EDARADD: variants seen among roughly 807,000 people sequenced by gnomAD.
EDARADD encodes EDAR associated via death domain.
Under a neutral mutation model 25.6 loss-of-function variants are expected in EDARADD, and 20 were observed. The observed-to-expected ratio is 0.78, with a 90% CI of 0.55 to 1.14. The LOEUF is 1.14. Among genes scored for constraint, EDARADD ranks in the 50% most tolerant of loss-of-function variants. The pLI is 0.00. For missense variants in EDARADD, 225 were observed against 270.1 expected (o/e 0.83, Z 1.17); for synonymous variants, 86 against 94.4 (o/e 0.91, Z 0.52).
chr1:236,437,735 G>A (rs1182312347), intron 4 of EDARADD, among the ~76,000 whole-genome samples: 1 of 143,202 alleles, frequency 7.0e-6, no homozygotes, highest in Non-Finnish European at 1.5e-5. Context: ...CGGCAGGGTT[G>A]GTTCCTTCTT....
chr1:236,416,592 G>A (rs1043644863), intron 3 of EDARADD, among the ~76,000 whole-genome samples: 1 of 152,060 alleles, frequency 6.6e-6, no homozygotes, highest in African/African-American at 2.4e-5. Flanking sequence ...CCATACCCTA[G>A]GTCTTCCCTT....
chr1:236,460,312 A>G (rs4659453), intron 4 of EDARADD, among the ~76,000 whole-genome samples: 21,320 of 151,050 alleles, frequency 0.14, 1,542 homozygotes, highest in Non-Finnish European at 0.14. Flanking sequence ...AGCCTCCCAC[A>G]TAGCTAGGAC....
At chr1:236,431,397 A>G (rs1233018344) in intron 4 of EDARADD, among the ~76,000 whole-genome samples, 1 of 152,200 alleles carries the variant, frequency 6.6e-6, no homozygotes, top group Non-Finnish European at 1.5e-5. Flanking sequence ...GTCTGGCAAC[A>G]TAGCAAGACC....
intron 3 of EDARADD, among the ~76,000 whole-genome samples, chr1:236,387,395 C>T (rs1349999968): frequency 2.1e-4 from 9 of 42,118 alleles, no homozygotes; most frequent in South Asian, 1.6e-3. Context: ...CCCCCCTGCC[C>T]GGCCAGCCGC....
At chr1:236,428,615 T>C (rs982347896) in intron 4 of EDARADD, among the ~76,000 whole-genome samples, 51 of 145,984 alleles carry the variant, frequency 3.5e-4, no homozygotes, top group Admixed American at 1.6e-3. Flanking sequence ...ATCCCAGACA[T>C]GGGCGGCCGG....
chr1:236,384,793 G>T (rs1381090968), intron 3 of EDARADD, among the ~76,000 whole-genome samples: 2 of 152,004 alleles, frequency 1.3e-5, no homozygotes, highest in Non-Finnish European at 2.9e-5. Flanking sequence ...ACCTTCCAAA[G>T]CTCCTGGCCC....
intron 5 of EDARADD, among the ~76,000 whole-genome samples, chr1:236,469,130 A>G (rs968443524): frequency 2.0e-5 from 3 of 152,084 alleles, no homozygotes; most frequent in African/African-American, 7.2e-5. Context: ...CAATGTTTAA[A>G]TTTCTCATTA....
intron 4 of EDARADD, among the ~76,000 whole-genome samples, chr1:236,440,297 A>C (rs1490773293): frequency 6.6e-6 from 1 of 152,156 alleles, no homozygotes; most frequent in Admixed American, 6.6e-5. Flanking sequence ...AAAGTTGGGT[A>C]GTATCAGTCT....
rs1659753410 is a variant in EDARADD, at chr1:236,483,804, G to A, written c.*1155G>A. 2.1e-6 allele frequency: 3 copies of A among 1,440,046 alleles called. No homozygotes were observed. 89.2% of individuals were successfully genotyped at this position (1,440,046 alleles called of 1,614,324 possible). ...CGGTGTGGGGGATGGAGGCGCGTTT[G>A]CTCCCAACATCCTGGAGAATAAAGA... On this transcript the variant is annotated 3_prime_UTR_variant, in exon 6 of 6. Transcript: ENST00000334232.
In EDARADD at chr1:236,363,648, C is replaced by A. The variant is rs187956018; in HGVS notation, c.-6+12809C>A. 2.0e-5 allele frequency among the ~76,000 whole-genome samples: 3 copies of A among 152,214 alleles called. No homozygotes were observed. In the East Asian group the frequency reaches 5.8e-4, roughly 30 times the overall value. On this transcript the variant is annotated intron_variant, in intron 3 of 7. Coordinates refer to the EDARADD transcript ENST00000439430. ...GGCTCAAGCGATTTTCCTACCTCAG[C>A]TTCCCAAAGTACTGGGATTACAGGC...
At chr1:236,369,648 C>A (rs1667153758) in intron 3 of EDARADD, among the ~76,000 whole-genome samples, 1 of 151,992 alleles carries the variant, frequency 6.6e-6, no homozygotes, top group Admixed American at 6.6e-5. Flanking sequence ...TCGAGACCAG[C>A]CTCAACATGG....
Position 236,395,652 on chromosome 1 carries a change from TGC to T in EDARADD, c.61+1152_61+1153del. ...GCCATGGCTTCACCGGACGACCCTC[TGC>T]GCGCAGGTAAAGGGACACAGCGCCG... is the stretch of plus-strand genomic sequence containing the variant. On this transcript the variant is annotated intron_variant, in intron 1 of 5. Transcript: ENST00000334232. The surrounding 1 kb of genome is among the most constrained non-coding windows in gnomAD (Gnocchi z 6.9). 6.3e-7 allele frequency: 1 copy of T among 1,575,910 alleles called. No homozygotes were observed.
chr1:236,391,134 G>C (rs1337157740), upstream of EDARADD, among the ~76,000 whole-genome samples: 3 of 151,700 alleles, frequency 2.0e-5, no homozygotes, highest in African/African-American at 4.8e-5. Context: ...TTTAAGACCG[G>C]TCCCCCTGTC....
intron 3 of EDARADD, among the ~76,000 whole-genome samples, chr1:236,359,097 G>C (rs573591974): frequency 1.3e-5 from 2 of 152,086 alleles, no homozygotes; most frequent in Admixed American, 1.3e-4. Context: ...TTGTAAAAGA[G>C]GTAAACTTGA....
chr1:236,484,599 C>T lies in EDARADD; in HGVS notation c.*1950C>T, dbSNP rs547079176. ...CTGCTAGTTAGCTACCCTTGCCCAC[C>T]GCCGTGGAGTTCGCACCTCTTCCTT... On this transcript the variant is annotated 3_prime_UTR_variant, in exon 6 of 6. Transcript: ENST00000334232. The surrounding 1 kb of genome is among the most constrained non-coding windows in gnomAD (Gnocchi z 4.1). The T allele has an allele frequency of 4.4e-5, 30 of 681,532 alleles. No individual in the cohort carries two copies. The highest frequency in any genetic ancestry group is 8.5e-4 in the Middle Eastern group (2 of 2,348). The allele number at this position is 681,532 out of a possible 1,614,324, so 42.2% of individuals were successfully genotyped here.
intron 5 of EDARADD, among the ~76,000 whole-genome samples, chr1:236,476,642 C>T (rs1659516276): frequency 6.6e-6 from 1 of 151,974 alleles, no homozygotes; most frequent in South Asian, 2.1e-4. Flanking sequence ...TCTCCTGCCT[C>T]AGCCTCCCAA....
intron 3 of EDARADD, among the ~76,000 whole-genome samples, chr1:236,419,988 G>A (rs1296167913): frequency 1.3e-5 from 2 of 152,142 alleles, no homozygotes; most frequent in African/African-American, 4.8e-5. Flanking sequence ...GACCAGCCTG[G>A]TCAACATGGC....
chr1:236,378,111 C>A (rs185880649), intron 3 of EDARADD, among the ~76,000 whole-genome samples: 2 of 152,118 alleles, frequency 1.3e-5, no homozygotes, highest in African/African-American at 2.4e-5. Flanking sequence ...CACCCACCCC[C>A]CTTTAGGTGG....
At chr1:236,454,009 A>G (rs1290669007) in intron 4 of EDARADD, among the ~76,000 whole-genome samples, 2 of 152,090 alleles carry the variant, frequency 1.3e-5, no homozygotes, top group Admixed American at 1.3e-4. Flanking sequence ...ACAGAAATCT[A>G]TTTCCAAGGA....
Sources: allele counts gnomAD v4.1 joint callset (sites outside exome capture counted in the v4.1 genomes callset), GRCh38; gene constraint gnomAD v4.1.1; non-coding constraint Gnocchi (gnomAD v3.1); transcripts MANE v1.5; gene names NCBI Gene and HGNC (gene_info 2026-07-23, HGNC 2026-07-21).